The following UMODL1 variants were observed in gnomAD, a reference collection of about 807,000 sequenced individuals.
UMODL1 encodes the protein uromodulin like 1.
A neutral mutation model predicts 136.3 loss-of-function variants in UMODL1; 128 were observed. That is an observed-to-expected ratio of 0.94 (90% CI 0.81 to 1.09). The LOEUF (loss-of-function observed/expected upper bound fraction) is 1.09, where lower values mean the gene tolerates loss of function less well. Ranked by LOEUF, UMODL1 falls within the 50% of genes least tolerant of loss-of-function variation. UMODL1 has a pLI of 0.00. For missense variants in UMODL1, 1,766 were observed against 1,725.6 expected (o/e 1.02, Z -0.41); for synonymous variants, 721 against 720.0 (o/e 1.00, Z -0.02).
At chr21:42,081,357 T>A (rs1001706271) in intron 2 of UMODL1, among the ~76,000 whole-genome samples, 1 of 152,224 alleles carries the variant, frequency 6.6e-6, no homozygotes, top group Non-Finnish European at 1.5e-5. Context: ...CCCTGTTGCC[T>A]CACTGGACCA....
chr21:42,135,627 A>G (rs1272042948), intron 21 of UMODL1, among the ~76,000 whole-genome samples: 3 of 152,212 alleles, frequency 2.0e-5, no homozygotes, highest in Admixed American at 2.0e-4. Context: ...AAGGTCCACT[A>G]CAGAGCCCCT....
intron 6 of UMODL1, among the ~76,000 whole-genome samples, chr21:42,094,673 C>G (rs1255073673): frequency 6.6e-6 from 1 of 152,094 alleles, no homozygotes; most frequent in African/African-American, 2.4e-5. Flanking sequence ...AGAGAGGAGT[C>G]GGGGGTAGAA....
At position 42,084,157 on chromosome 21, in the gene UMODL1, C is replaced by A. The variant is rs374646869; in HGVS notation, c.393C>A (p.Ser131=). 1.2e-6 allele frequency: 2 copies of A among 1,614,182 alleles called. No individual in the cohort carries two copies. Among genetic ancestry groups the A allele is most frequent in the Non-Finnish European group, 1.7e-6 (2 of 1,180,040 alleles). ...CAGAGGGGCCTGAACCATCCACCTC[C>A]CCCTGCAGCTTGGACATCGACTGTC... ...CPAEGPEPST[S]PCSLDIDCPG... The change falls in exon 3 of 23, where the codon TCC becomes TCA. Residue 131 remains serine (S), a synonymous_variant. Coordinates refer to ENST00000408910, the MANE Select transcript of UMODL1 (RefSeq NM_001004416.3).
In UMODL1 at chr21:42,104,036, CT is replaced by C. The variant is rs760322393; in HGVS notation, c.1469del (p.Leu490ArgfsTer67). The C allele has an allele frequency of 2.3e-5, 37 of 1,613,976 alleles. No homozygotes were observed. In the African/African-American group the frequency reaches 4.5e-4, roughly 20 times the overall value. ...ISTLAPILQP[L>X]LASTVFQIDR... is the part of the protein sequence containing the mutation. The stretch of plus-strand genomic sequence containing the variant: ...CACGCTGGCCCCCATACTCCAGCCC[CT>C]GTTGGCAAGCACAGTGTTCCAGATT... On this transcript the variant is annotated frameshift_variant, in exon 9 of 23. Coordinates refer to ENST00000408910, the MANE Select transcript of UMODL1 (RefSeq NM_001004416.3). LOFTEE classifies it high-confidence loss of function.
At chr21:42,105,745 C>G (rs2066705927) in intron 9 of UMODL1, among the ~76,000 whole-genome samples, 1 of 152,168 alleles carries the variant, frequency 6.6e-6, no homozygotes, top group African/African-American at 2.4e-5. Context: ...TTTCCTAGAG[C>G]CCCAGAGGGA....
At chr21:42,106,521 G>C (rs2066721738) in intron 9 of UMODL1, among the ~76,000 whole-genome samples, 1 of 152,160 alleles carries the variant, frequency 6.6e-6, no homozygotes, top group African/African-American at 2.4e-5. Context: ...GGAGGGGTCA[G>C]GTTGTCGTGA....
At position 42,108,959 on chromosome 21, in the gene UMODL1, A is replaced by G. The variant is rs566627671; in HGVS notation, c.1520-603A>G. ...CCATGTTATACTCAGGCTGACCCCC[A>G]CTCCTGGCATGTAAAGCTGGTGTTA... is the stretch of plus-strand genomic sequence containing the variant. On this transcript the variant is annotated intron_variant, in intron 9 of 22. Transcript: ENST00000408910. Among the ~76,000 whole-genome samples the G allele has an allele frequency of 2.9e-3, 103 of 35,030 alleles. 8 individuals carry two copies. Among genetic ancestry groups the G allele is most frequent in the Non-Finnish European group, 3.0e-3 (65 of 21,784 alleles). The allele number at this position is 35,030 out of a possible 152,430, so 23.0% of individuals were successfully genotyped here. A position where few individuals can be genotyped will look rare whatever the true frequency, so the allele number is the denominator to read the frequency against.
intron 13 of UMODL1, among the ~76,000 whole-genome samples, chr21:42,115,454 C>T (rs1175812750): frequency 1.3e-5 from 2 of 152,228 alleles, no homozygotes; most frequent in Non-Finnish European, 2.9e-5. Flanking sequence ...CTGGCCAGGG[C>T]CCTAAGTCCT....
chr21:42,084,829 T>TTATTA (rs10627237), intron 3 of UMODL1, among the ~76,000 whole-genome samples: 149,629 of 149,910 alleles, frequency 1, 74,676 homozygotes, highest in Middle Eastern at 1. Context: ...ATATCAGATA[T>TTATTA]TATGATAATA....
At chr21:42,066,313 C>T (rs1008649016) in intron 1 of UMODL1, among the ~76,000 whole-genome samples, 4 of 152,236 alleles carry the variant, frequency 2.6e-5, no homozygotes, top group South Asian at 4.1e-4. Context: ...GACGGAGTCT[C>T]GCTCTGTCGC....
chr21:42,119,191 C>T lies in UMODL1; in HGVS notation c.2556C>T (p.Asn852=), dbSNP rs375750171. The change falls in exon 15 of 23, where the codon AAC becomes AAT. Residue 852 remains asparagine, a synonymous_variant. Coordinates refer to ENST00000408910, the MANE Select transcript of UMODL1 (RefSeq NM_001004416.3). ...GVRMEVVSVT[N]GSIVVEFHLL... is the part of the protein sequence containing the mutation. The stretch of plus-strand genomic sequence containing the variant: ...GGATGGAAGTCGTCAGCGTCACCAA[C>T]GGCAGCATCGTGGTGGAGTTTCACT... 1.4e-4 allele frequency: 226 copies of T among 1,614,206 alleles called. No individual in the cohort carries two copies. The highest frequency in any genetic ancestry group is 4.9e-4 in the African/African-American group (37 of 75,066).
intron 10 of UMODL1, among the ~76,000 whole-genome samples, chr21:42,110,045 G>A (rs902981625): frequency 3.9e-5 from 6 of 152,216 alleles, no homozygotes; most frequent in African/African-American, 1.2e-4. Context: ...CGGGGTCGAG[G>A]GATTCCTTCC....
chr21:42,099,033 T>C lies in UMODL1; in HGVS notation c.1039T>C (p.Tyr347His), dbSNP rs979209258. 6.2e-7 allele frequency: 1 copy of C among 1,614,222 alleles called. No homozygotes were observed. Among genetic ancestry groups the C allele is most frequent in the African/African-American group, 1.3e-5 (1 of 75,050 alleles). Residue 347 changes from tyrosine (Y) to histidine (H), a missense_variant, in exon 7 of 23, where the codon TAC becomes CAC. By Grantham distance (83) the Tyr-to-His change is moderately conservative. Transcript: ENST00000408910. The surrounding 1 kb of genome is among the most constrained non-coding windows in gnomAD (Gnocchi z 4.1). ...TQNHTFHVRV[Y>H]RGMELLRSAR... ...GAACCACACTTTCCATGTCCGGGTT[T>C]ACCGGGGTATGGAGTTGCTCAGGAG...
intron 12 of UMODL1, among the ~76,000 whole-genome samples, chr21:42,111,931 C>T (rs1399139295): frequency 6.6e-6 from 1 of 152,126 alleles, no homozygotes; most frequent in Non-Finnish European, 1.5e-5. Context: ...ATCTCTCTTC[C>T]CCATCTCTTA....
At chr21:42,097,039 A>G (rs1327445477) in intron 6 of UMODL1, among the ~76,000 whole-genome samples, 4 of 152,134 alleles carry the variant, frequency 2.6e-5, no homozygotes, top group East Asian at 1.9e-4. Flanking sequence ...GCCACCCACA[A>G]TCTCAGGTCC....
rs772053743 is a variant in UMODL1 at position 42,123,100 on chromosome 21, C to A, written c.3097C>A (p.His1033Asn). 1.2e-6 allele frequency: 2 copies of A among 1,614,094 alleles called. No homozygotes were observed. The highest frequency in any genetic ancestry group is 1.7e-5 in the Admixed American group (1 of 60,028). ...SCNVSHSNGT[H>N]VLLEAGWSEC... ...CAACGTGAGCCACAGCAATGGCACA[C>A]ACGTGCTCCTGGAGGCCGGCTGGAG... Residue 1033 changes from histidine (H) to asparagine (N), a missense_variant, in exon 17 of 23, where the codon CAC becomes AAC. Coordinates refer to ENST00000408910, the MANE Select transcript of UMODL1 (RefSeq NM_001004416.3). The surrounding 1 kb of genome is among the most constrained non-coding windows in gnomAD (Gnocchi z 4.4).
Position 42,077,052 on chromosome 21 carries a change from TG to T in UMODL1, c.319+806del, listed in dbSNP as rs1389724369. ...GTGTGTGTGTGTGTGTGTGTGTGTG[TG>T]TGTGTGTGTGTGTGGTGGCTGCTAA... On this transcript the variant is annotated intron_variant, in intron 2 of 22. Transcript: ENST00000408910. Among the ~76,000 whole-genome samples the T allele has an allele frequency of 9.0e-5, 13 of 143,948 alleles. No individual in the cohort carries two copies. The South Asian group carries it at 1.7e-3, about 19-fold the overall frequency. The allele number at this position is 143,948 out of a possible 152,430, so 94.4% of individuals were successfully genotyped here.
chr21:42,140,320 G>A (rs2067263246), intron 22 of UMODL1, among the ~76,000 whole-genome samples: 1 of 111,912 alleles, frequency 8.9e-6, no homozygotes, highest in African/African-American at 3.2e-5. Context: ...CACGTGGCTA[G>A]GAGGTCCAGG....
chr21:42,095,084 C>T (rs376211936), intron 6 of UMODL1, among the ~76,000 whole-genome samples: 5 of 41,948 alleles, frequency 1.2e-4, no homozygotes, highest in Admixed American at 3.2e-4. Flanking sequence ...TTGTTTTCTT[C>T]TGCTGTTTTT....
Sources: allele counts gnomAD v4.1 joint callset (sites outside exome capture counted in the v4.1 genomes callset), GRCh38; gene constraint gnomAD v4.1.1; non-coding constraint Gnocchi (gnomAD v3.1); transcripts MANE v1.5; gene names NCBI Gene and HGNC (gene_info 2026-07-23, HGNC 2026-07-21).